C10orf143: variants seen among roughly 807,000 people sequenced by gnomAD.
C10orf143 encodes the protein uncharacterized protein C10orf143.
downstream of C10orf143, among the ~76,000 whole-genome samples, chr10:130,062,796 C>T (rs1463954977): frequency 1.3e-5 from 2 of 152,224 alleles, no homozygotes; most frequent in Non-Finnish European, 2.9e-5. Context: ...AATACACCCA[C>T]ATTCTGGCCA....
rs187737399 is a variant in C10orf143, at chr10:130,064,384, C to G, written c.298-1G>C. ...GATTCTTGGTATGGCTAAAATGTCC[C>G]TACAAAGATAAAACAGCACATTGCG... On this transcript the variant is annotated splice_acceptor_variant, in intron 3 of 3. Transcript: ENST00000637128. LOFTEE classifies it high-confidence loss of function. 5.0e-6 allele frequency: 2 copies of G among 398,510 alleles called. No individual in the cohort carries two copies. The highest frequency in any genetic ancestry group is 7.1e-5 in the East Asian group (2 of 28,062). 24.7% of individuals were successfully genotyped at this position (398,510 alleles called of 1,614,324 possible). A position where few individuals can be genotyped will look rare whatever the true frequency, so the allele number is the denominator to read the frequency against.
At chr10:130,071,857 C>T (rs1302552668) in intron 3 of C10orf143, among the ~76,000 whole-genome samples, 1 of 152,210 alleles carries the variant, frequency 6.6e-6, no homozygotes, top group Non-Finnish European at 1.5e-5. Flanking sequence ...CTCCCAACCT[C>T]AGGTGATCTG....
chr10:130,086,206 C>T (rs949742832), intron 1 of C10orf143, among the ~76,000 whole-genome samples: 2 of 152,232 alleles, frequency 1.3e-5, no homozygotes, highest in African/African-American at 4.8e-5. Context: ...GCAACCACAT[C>T]ACACACAGGT....
At chr10:130,078,370 A>T (rs922953755) in intron 3 of C10orf143, among the ~76,000 whole-genome samples, 4 of 152,228 alleles carry the variant, frequency 2.6e-5, no homozygotes, top group Non-Finnish European at 5.9e-5. Context: ...TCGGCAAACA[A>T]GGAATGCAAC....
At chr10:130,087,503 G>A (rs1162766643) in intron 1 of C10orf143, among the ~76,000 whole-genome samples, 6 of 152,194 alleles carry the variant, frequency 3.9e-5, no homozygotes, top group Admixed American at 2.6e-4. Flanking sequence ...AGCAAACAGG[G>A]ATGGTGCTGC....
At chr10:130,049,770 C>T (rs1860716150) in intron 3 of C10orf143, among the ~76,000 whole-genome samples, 1 of 152,186 alleles carries the variant, frequency 6.6e-6, no homozygotes, top group Non-Finnish European at 1.5e-5. Flanking sequence ...ATTCCACCGG[C>T]AGGACTGAGT....
intron 1 of C10orf143, among the ~76,000 whole-genome samples, chr10:130,109,752 T>C (rs1171727): frequency 0.23 from 35,596 of 151,814 alleles, 4,537 homozygotes; most frequent in Admixed American, 0.28. Flanking sequence ...GGTAGAAAGC[T>C]AGTCATTCCC....
At chr10:130,037,384 G>A (rs567423413) in intron 3 of C10orf143, among the ~76,000 whole-genome samples, 1 of 152,352 alleles carries the variant, frequency 6.6e-6, no homozygotes, top group African/African-American at 2.4e-5. Flanking sequence ...TACTGGATGA[G>A]CAAGCGAAAC....
At chr10:130,106,955 G>C (rs769631235) in intron 1 of C10orf143, 1 of 1,004,238 alleles carries the variant, frequency 1.0e-6, no homozygotes, top group African/African-American at 1.6e-5. Context: ...TGCTTACTTA[G>C]ATGATCCTCT....
chr10:130,072,648 T>C (rs1861052063), intron 3 of C10orf143, among the ~76,000 whole-genome samples: 1 of 152,242 alleles, frequency 6.6e-6, no homozygotes, highest in Admixed American at 6.5e-5. Context: ...TCTTCTTTAA[T>C]CATTTTATAA....
intron 3 of C10orf143, among the ~76,000 whole-genome samples, chr10:130,076,801 A>G (rs1179979954): frequency 3.9e-5 from 6 of 152,112 alleles, no homozygotes; most frequent in Non-Finnish European, 7.4e-5. Context: ...GCGATCCGGG[A>G]ATGGAAGCCT....
At chr10:130,089,967 G>A (rs1358709325) in intron 1 of C10orf143, among the ~76,000 whole-genome samples, 2 of 151,820 alleles carry the variant, frequency 1.3e-5, no homozygotes, top group African/African-American at 4.8e-5. Flanking sequence ...GAGAACATAG[G>A]GAAAAAAAAT....
At chr10:130,050,958 C>T (rs1860730218) in intron 3 of C10orf143, among the ~76,000 whole-genome samples, 1 of 152,164 alleles carries the variant, frequency 6.6e-6, no homozygotes, top group Non-Finnish European at 1.5e-5. Flanking sequence ...GACCACTGAG[C>T]TGTTACGTGC....
chr10:130,098,219 A>T (rs1861492738), intron 1 of C10orf143, among the ~76,000 whole-genome samples: 1 of 152,060 alleles, frequency 6.6e-6, no homozygotes, highest in Non-Finnish European at 1.5e-5. Context: ...GCTACTCTGG[A>T]GGCTGAGACA....
intron 1 of C10orf143, among the ~76,000 whole-genome samples, chr10:130,083,046 G>A (rs1169345164): frequency 6.6e-6 from 1 of 151,996 alleles, no homozygotes; most frequent in African/African-American, 2.4e-5. Flanking sequence ...CAGAAAAAGG[G>A]TGAATAACCT....
chr10:130,053,788 C>CA (rs1170875189), intron 3 of C10orf143, among the ~76,000 whole-genome samples: 3 of 152,222 alleles, frequency 2.0e-5, no homozygotes, highest in Non-Finnish European at 4.4e-5. Context: ...GAAGCTTTGT[C>CA]AGAGTCTCCT....
chr10:130,087,847 C>T (rs1468961948), intron 1 of C10orf143, among the ~76,000 whole-genome samples: 3 of 152,178 alleles, frequency 2.0e-5, no homozygotes, highest in Non-Finnish European at 4.4e-5. Context: ...CCAGCTCTGC[C>T]ACCGGTGGGG....
At chr10:130,077,063 A>G (rs2134763988) in intron 3 of C10orf143, among the ~76,000 whole-genome samples, 1 of 152,286 alleles carries the variant, frequency 6.6e-6, no homozygotes, top group African/African-American at 2.4e-5. Flanking sequence ...AATAATGTAC[A>G]GCAGGAGATA....
chr10:130,037,090 C>T (rs545109656), intron 3 of C10orf143, among the ~76,000 whole-genome samples: 1 of 152,248 alleles, frequency 6.6e-6, no homozygotes, highest in South Asian at 2.1e-4. Flanking sequence ...GAAAGCTTGG[C>T]CTCAATGGCA....
Sources: gnomAD v4.1 joint callset for allele counts (sites outside exome capture counted in the v4.1 genomes callset) on GRCh38, gnomAD v4.1.1 for gene constraint, MANE v1.5 for transcripts, NCBI Gene and HGNC (gene_info 2026-07-23, HGNC 2026-07-21) for gene names.